Variants in SPATA17 observed in about 807,000 individuals in gnomAD.
SPATA17 encodes spermatogenesis associated 17, also known as spermatogenesis-associated protein 17.
SPATA17 carries 53 observed loss-of-function variants against 62.2 expected under a neutral mutation model. The ratio of observed to expected loss-of-function variants is 0.85; its 90% confidence interval spans 0.68 to 1.07. The LOEUF (loss-of-function observed/expected upper bound fraction) is 1.07. SPATA17 is among the 50% of genes least tolerant of loss of function. SPATA17 has a pLI of 0.00. For missense variants in SPATA17, 466 were observed against 425.5 expected, an observed-to-expected ratio of 1.10 and a Z score of -0.84; for synonymous variants, 146 against 146.8, an observed-to-expected ratio of 0.99 and a Z score of 0.04.
chr1:217,649,478 C>T (rs1465982873), intron 2 of SPATA17, among the ~76,000 whole-genome samples: 1 of 151,890 alleles, frequency 6.6e-6, no homozygotes, highest in East Asian at 1.9e-4. Flanking sequence ...GACTCTGCCT[C>T]AAAAAAATAA....
intron 1 of SPATA17, among the ~76,000 whole-genome samples, chr1:217,645,046 T>C (rs769038726): frequency 6.6e-6 from 1 of 152,044 alleles, no homozygotes; most frequent in Non-Finnish European, 1.5e-5. Context: ...CCAGCATCTG[T>C]AAATTTTGTT....
intron 5 of SPATA17, among the ~76,000 whole-genome samples, chr1:217,737,004 A>G (rs150831768): frequency 0.014 from 2,099 of 152,244 alleles, 121 homozygotes; most frequent in Admixed American, 0.11. Flanking sequence ...GAAAACTAAT[A>G]TATGTAATAC....
At chr1:217,665,885 A>G (rs1194714964) in intron 3 of SPATA17, among the ~76,000 whole-genome samples, 2 of 152,228 alleles carry the variant, frequency 1.3e-5, no homozygotes, top group East Asian at 3.8e-4. Context: ...GTAATATGAC[A>G]AAGGCCACAT....
chr1:217,819,195 A>C (rs1196396483), intron 9 of SPATA17, among the ~76,000 whole-genome samples: 1 of 151,088 alleles, frequency 6.6e-6, no homozygotes, highest in Admixed American at 6.6e-5. Flanking sequence ...TTTTTCTCAC[A>C]GTGACTTTTT....
chr1:217,792,510 C>A lies in SPATA17; in HGVS notation c.873-9208C>A, dbSNP rs141638888. On this transcript the variant is annotated intron_variant, in intron 8 of 10. Transcript: ENST00000366933. ...GACTTGTAAATCATAAACTTTCTTTCCCATAAATCTTTAGCTTTCACTTAG... is the reference window on the plus strand; with the variant it reads ...GACTTGTAAATCATAAACTTTCTTTACCATAAATCTTTAGCTTTCACTTAG... 1.1e-3 allele frequency among the ~76,000 whole-genome samples: 168 copies of A among 152,184 alleles called. 2 individuals carry two copies. In the East Asian group the frequency reaches 0.031, roughly 28 times the overall value.
chr1:217,820,373 C>G (rs976105872), intron 9 of SPATA17, among the ~76,000 whole-genome samples: 1 of 151,800 alleles, frequency 6.6e-6, no homozygotes, highest in South Asian at 2.1e-4. Flanking sequence ...GAGCAGTAGT[C>G]CAAATTATAT....
At chr1:217,811,334 G>A (rs774181453) in intron 9 of SPATA17, among the ~76,000 whole-genome samples, 18 of 152,028 alleles carry the variant, frequency 1.2e-4, no homozygotes, top group Non-Finnish European at 2.4e-4. Context: ...AGAGATTGTA[G>A]GTATTCTTTA....
intron 5 of SPATA17, among the ~76,000 whole-genome samples, chr1:217,714,484 G>GTTTTTTTT (rs1456324571): frequency 8.1e-6 from 1 of 124,000 alleles, no homozygotes; most frequent in African/African-American, 3.4e-5. Flanking sequence ...TGGAAAACGT[G>GTTTTTTTT]TTTCTTTTTT....
At chr1:217,670,503 C>G (rs1011782910) in intron 4 of SPATA17, among the ~76,000 whole-genome samples, 2 of 152,200 alleles carry the variant, frequency 1.3e-5, no homozygotes, top group African/African-American at 4.8e-5. Context: ...GTACAAGTCC[C>G]TTGGAAGGCA....
intron 1 of SPATA17, among the ~76,000 whole-genome samples, chr1:217,644,263 C>A (rs888197042): frequency 6.6e-6 from 1 of 152,088 alleles, no homozygotes; most frequent in African/African-American, 2.4e-5. Flanking sequence ...AAAATATAGT[C>A]CTATTTCTCA....
intron 8 of SPATA17, among the ~76,000 whole-genome samples, chr1:217,801,024 G>A (rs983555875): frequency 6.6e-6 from 1 of 152,150 alleles, no homozygotes; most frequent in African/African-American, 2.4e-5. Context: ...GATAATGGTT[G>A]CTGCAACAGG....
At chr1:217,651,581 C>T (rs1338552818) in intron 3 of SPATA17, among the ~76,000 whole-genome samples, 4 of 152,130 alleles carry the variant, frequency 2.6e-5, no homozygotes, top group South Asian at 2.1e-4. Flanking sequence ...CTCATAAGGA[C>T]GCTAAACTGA....
At chr1:217,767,880 C>A (rs1673340442) in intron 6 of SPATA17, among the ~76,000 whole-genome samples, 1 of 152,140 alleles carries the variant, frequency 6.6e-6, no homozygotes. Flanking sequence ...GCCTGTGTTT[C>A]CACAGAGGCT....
chr1:217,733,381 T>C (rs1164059582), intron 5 of SPATA17, among the ~76,000 whole-genome samples: 1 of 152,200 alleles, frequency 6.6e-6, no homozygotes, highest in Non-Finnish European at 1.5e-5. Flanking sequence ...ACTGCTCCTC[T>C]GTATCCCTGC....
At chr1:217,641,396 C>T (rs1279921764) in intron 1 of SPATA17, among the ~76,000 whole-genome samples, 2 of 151,832 alleles carry the variant, frequency 1.3e-5, no homozygotes, top group East Asian at 3.9e-4. Context: ...AATTGTGACC[C>T]ACAATCAGGA....
chr1:217,818,377 G>C (rs1212706298), intron 9 of SPATA17, among the ~76,000 whole-genome samples: 1 of 151,984 alleles, frequency 6.6e-6, no homozygotes, highest in East Asian at 1.9e-4. Context: ...AGATAATTTA[G>C]TTGTGTGAAC....
chr1:217,854,496 T>G (rs1321883224), intron 9 of SPATA17, among the ~76,000 whole-genome samples: 1 of 152,114 alleles, frequency 6.6e-6, no homozygotes, highest in East Asian at 1.9e-4. Flanking sequence ...AAATAAAATT[T>G]AATATGATAT....
chr1:217,731,302 C>T (rs1672398356), intron 5 of SPATA17, among the ~76,000 whole-genome samples: 1 of 152,116 alleles, frequency 6.6e-6, no homozygotes, highest in Non-Finnish European at 1.5e-5. Context: ...ACCGAGACCT[C>T]TATCTTGATT....
At chr1:217,701,836 T>A (rs1671607829) in intron 5 of SPATA17, among the ~76,000 whole-genome samples, 1 of 152,172 alleles carries the variant, frequency 6.6e-6, no homozygotes, top group Non-Finnish European at 1.5e-5. Flanking sequence ...AAATCTGCTC[T>A]CAATGTGCTT....
Sources: gnomAD v4.1 joint callset for allele counts (sites outside exome capture counted in the v4.1 genomes callset) on GRCh38, gnomAD v4.1.1 for gene constraint, MANE v1.5 for transcripts, NCBI Gene and HGNC (gene_info 2026-07-23, HGNC 2026-07-21) for gene names.